The following GSDME variants were observed in gnomAD, a reference collection of about 807,000 sequenced individuals.
GSDME encodes gasdermin E.
Under a neutral mutation model 47.5 loss-of-function variants are expected in GSDME, and 44 were observed. That is an observed-to-expected ratio of 0.93 (90% CI 0.73 to 1.19). GSDME has a LOEUF of 1.19. Among genes scored for constraint, GSDME ranks in the 50% most tolerant of loss-of-function variants. The pLI, the probability that GSDME is intolerant of heterozygous loss-of-function variation, is 0.00. For missense variants in GSDME, 663 were observed against 604.2 expected, an observed-to-expected ratio of 1.10 and a Z score of -1.02; for synonymous variants, 258 against 252.8, an observed-to-expected ratio of 1.02 and a Z score of -0.20.
At position 24,725,892 on chromosome 7, in the gene GSDME, C is replaced by G. The variant is rs1486934728; in HGVS notation, c.405-6674G>C. ...GGTCCCCTCCCTTAAGGAAGTGGAC[C>G]CTCAAAGCAATTAAGAGCATGGCTC... is the stretch of plus-strand genomic sequence containing the variant. On this transcript the variant is annotated intron_variant, in intron 3 of 9. Transcript: ENST00000645220. This position sits in a 1 kb window ranked among gnomAD's most constrained non-coding sequence, Gnocchi z 5.1. Among the ~76,000 whole-genome samples, 1 of 152,038 alleles carries G rather than the reference C, an allele frequency of 6.6e-6. No individual in the cohort carries two copies. Among genetic ancestry groups the G allele is most frequent in the Non-Finnish European group, 1.5e-5 (1 of 68,026 alleles).
chr7:24,740,250 T>G (rs1488650095), intron 3 of GSDME, among the ~76,000 whole-genome samples: 1 of 151,918 alleles, frequency 6.6e-6, no homozygotes. Flanking sequence ...CTCATGGAGA[T>G]AGAAAGTAGA....
At chr7:24,783,050 C>G in the GSDME span, among the ~76,000 whole-genome samples, 8 of 152,240 alleles carry the variant, frequency 5.3e-5, no homozygotes, top group African/African-American at 1.9e-4. Flanking sequence ...GATTCTCATA[C>G]TTGCTTCTGC....
At chr7:24,740,286 G>A (rs1790445919) in intron 3 of GSDME, among the ~76,000 whole-genome samples, 1 of 151,998 alleles carries the variant, frequency 6.6e-6, no homozygotes, top group Non-Finnish European at 1.5e-5. Flanking sequence ...GGCTGGGAAG[G>A]GTAGTGGGAG....
the GSDME span, among the ~76,000 whole-genome samples, chr7:24,780,619 G>A: frequency 6.6e-6 from 1 of 152,156 alleles, no homozygotes; most frequent in African/African-American, 2.4e-5. The surrounding 1 kb of genome is among the most constrained non-coding windows in gnomAD (Gnocchi z 4.1). Flanking sequence ...CATGTCTTCT[G>A]TGAAATCTTC....
chr7:24,706,636 C>T (rs994523597), intron 7 of GSDME, among the ~76,000 whole-genome samples: 2 of 152,108 alleles, frequency 1.3e-5, no homozygotes, highest in Admixed American at 6.5e-5. Context: ...AGGGCAGGGT[C>T]TGTTGGGTAG....
At chr7:24,709,866 G>T (rs1299382113) in intron 6 of GSDME, among the ~76,000 whole-genome samples, 4 of 152,006 alleles carry the variant, frequency 2.6e-5, no homozygotes, top group African/African-American at 9.7e-5. Flanking sequence ...ATGCAGAACG[G>T]GTTCTCCATC....
upstream of GSDME, among the ~76,000 whole-genome samples, chr7:24,762,451 C>G (rs1247251549): frequency 1.3e-5 from 2 of 152,086 alleles, no homozygotes; most frequent in Non-Finnish European, 2.9e-5. Context: ...GATATACAAA[C>G]TTTTTTCATC....
In GSDME at chr7:24,721,967, C is replaced by A. The variant is rs181154840; in HGVS notation, c.405-2749G>T. On this transcript the variant is annotated intron_variant, in intron 3 of 9. Coordinates refer to ENST00000645220, the MANE Select transcript of GSDME (RefSeq NM_001127453.2). This position sits in a 1 kb window ranked among gnomAD's most constrained non-coding sequence, Gnocchi z 4.1. ...TTGGTCACCTCCTCGGGGAAGCATT[C>A]CCTGCACCCCCATCATGCTATCACA... Among the ~76,000 whole-genome samples the A allele has an allele frequency of 6.6e-6, 1 of 152,336 alleles. No homozygotes were observed. Among genetic ancestry groups the A allele is most frequent in the African/African-American group, 2.4e-5 (1 of 41,570 alleles).
intron 1 of GSDME, among the ~76,000 whole-genome samples, chr7:24,751,065 G>A (rs2128066471): frequency 1.3e-5 from 2 of 152,148 alleles, no homozygotes; most frequent in South Asian, 4.2e-4. Flanking sequence ...GGATGAGAAG[G>A]GCCTTTAGAA....
Position 24,702,773 on chromosome 7 carries a change from G to A in GSDME, c.1244C>T (p.Thr415Ile), listed in dbSNP as rs775797918. 10 of 1,613,318 alleles carry A rather than the reference G, an allele frequency of 6.2e-6. No individual in the cohort carries two copies. Among genetic ancestry groups the A allele is most frequent in the East Asian group, 2.2e-5 (1 of 44,848 alleles). The change falls in exon 9 of 10, where the codon ACA becomes ATA. Residue 415 changes from threonine to isoleucine, a missense_variant. Transcript: ENST00000645220. ...GTCCKLQIIP[T>I]LCHLLRALSD... ...GAGGTTGCTTACCAAGTGGCACAGTGTGGGAATGATCTGGAGTTTGCAGCA... is the reference window on the plus strand; with the variant it reads ...GAGGTTGCTTACCAAGTGGCACAGTATGGGAATGATCTGGAGTTTGCAGCA...
intron 3 of GSDME, among the ~76,000 whole-genome samples, chr7:24,740,482 A>G (rs1305430556): frequency 1.3e-5 from 2 of 152,164 alleles, no homozygotes; most frequent in Non-Finnish European, 2.9e-5. Flanking sequence ...CTAAAACTGT[A>G]TAATTGGATT....
chr7:24,777,895 A>C, the GSDME span, among the ~76,000 whole-genome samples: 2 of 152,138 alleles, frequency 1.3e-5, no homozygotes, highest in African/African-American at 4.8e-5. Context: ...AAAGTTTATG[A>C]AACCATAATT....
At position 24,725,855 on chromosome 7, in the gene GSDME, A is replaced by G. The variant is rs1376760170; in HGVS notation, c.405-6637T>C. On this transcript the variant is annotated intron_variant, in intron 3 of 9. Coordinates refer to ENST00000645220, the MANE Select transcript of GSDME (RefSeq NM_001127453.2). This position sits in a 1 kb window ranked among gnomAD's most constrained non-coding sequence, Gnocchi z 5.1. ...TGGAGGCAGAAATTGGGCATAAGAC[A>G]ATATGAGGGGTGGTCCCCTCCCTTA... 2.6e-5 allele frequency among the ~76,000 whole-genome samples: 4 copies of G among 152,190 alleles called. No homozygotes were observed. The highest frequency in any genetic ancestry group is 9.7e-5 in the African/African-American group (4 of 41,442).
At chr7:24,759,484 G>A (rs1039709205), upstream of GSDME, among the ~76,000 whole-genome samples, 3 of 151,954 alleles carry the variant, frequency 2.0e-5, no homozygotes, top group African/African-American at 7.3e-5. Context: ...AGCACTTTCT[G>A]TCTACTGTCA....
In GSDME at chr7:24,721,670, C is replaced by G. The variant is rs1439904257; in HGVS notation, c.405-2452G>C. On this transcript the variant is annotated intron_variant, in intron 3 of 9. Transcript: ENST00000645220. This position sits in a 1 kb window ranked among gnomAD's most constrained non-coding sequence, Gnocchi z 4.1. ...CACCTTCCCGTGTCCCTCTATGAGGCTCACAAAACAAAGCCACAGTGTGTG... is the reference window on the plus strand; with the variant it reads ...CACCTTCCCGTGTCCCTCTATGAGGGTCACAAAACAAAGCCACAGTGTGTG... Among the ~76,000 whole-genome samples, 2 of 152,222 alleles carry G rather than the reference C, an allele frequency of 1.3e-5. No homozygotes were observed. The highest frequency in any genetic ancestry group is 1.5e-5 in the Non-Finnish European group (1 of 68,028).
At chr7:24,704,546 CAT>C (rs1789013972) in intron 8 of GSDME, 1 of 152,146 alleles carries the variant, frequency 6.6e-6, no homozygotes, top group Non-Finnish European at 1.5e-5. Flanking sequence ...CTGGGACTGA[CAT>C]ATAAATGAGA....
At chr7:24,746,960 G>A (rs1378903899) in intron 2 of GSDME, among the ~76,000 whole-genome samples, 1 of 152,176 alleles carries the variant, frequency 6.6e-6, no homozygotes, top group Non-Finnish European at 1.5e-5. Flanking sequence ...TCTCGTCACC[G>A]CCCTAACACC....
chr7:24,706,175 T>A lies in GSDME; in HGVS notation c.1183+9A>T, dbSNP rs397516910. On this transcript the variant is annotated intron_variant, in intron 8 of 9. Transcript: ENST00000645220. The stretch of plus-strand genomic sequence containing the variant: ...AGCAGCCATTTCTTTCATTTTCTTT[T>A]CTCCTTACCTGCGAGGGCACTGACC... The A allele has an allele frequency of 1.0e-3, 1,624 of 1,614,186 alleles. 16 individuals carry two copies. The South Asian group carries it at 0.013, about 13-fold the overall frequency.
At position 24,733,466 on chromosome 7, in the gene GSDME, A is replaced by G. The variant is rs1162801728; in HGVS notation, c.404+11096T>C. 6.6e-6 allele frequency among the ~76,000 whole-genome samples: 1 copy of G among 152,166 alleles called. No individual in the cohort carries two copies. Among genetic ancestry groups the G allele is most frequent in the East Asian group, 1.9e-4 (1 of 5,190 alleles). On this transcript the variant is annotated intron_variant, in intron 3 of 9. Coordinates refer to ENST00000645220, the MANE Select transcript of GSDME (RefSeq NM_001127453.2). This position sits in a 1 kb window ranked among gnomAD's most constrained non-coding sequence, Gnocchi z 4.3. Reference sequence around the variant, plus strand: ...CTAAGCACAGTGGGGTAGAGCACCAAGCAAGCCCTTCAAGTCTCTGATTCC... The same window carrying G: ...CTAAGCACAGTGGGGTAGAGCACCAGGCAAGCCCTTCAAGTCTCTGATTCC...
Sources: allele counts gnomAD v4.1 joint callset (sites outside exome capture counted in the v4.1 genomes callset), GRCh38; gene constraint gnomAD v4.1.1; non-coding constraint Gnocchi (gnomAD v3.1); transcripts MANE v1.5; gene names NCBI Gene and HGNC (gene_info 2026-07-23, HGNC 2026-07-21).